AMN: variants seen among roughly 807,000 people sequenced by gnomAD.
AMN encodes amnion associated transmembrane protein.
AMN carries 40 observed loss-of-function variants against 49.1 expected under a neutral mutation model. The observed-to-expected ratio is 0.81, with a 90% CI of 0.63 to 1.06. AMN has a LOEUF of 1.06. AMN is among the 50% of genes least tolerant of loss of function. The pLI, the probability that AMN is intolerant of heterozygous loss-of-function variation, is 0.00. For missense variants in AMN, 701 were observed against 662.8 expected (o/e 1.06, Z -0.63); for synonymous variants, 380 against 313.3 (o/e 1.21, Z -2.25).
intron 3 of AMN, among the ~76,000 whole-genome samples, chr14:102,927,310 A>G (rs1891209803): frequency 1.3e-5 from 2 of 152,150 alleles, no homozygotes; most frequent in Admixed American, 1.3e-4. Context: ...GCTGATCTCA[A>G]ACTCCTGGCC....
intron 6 of AMN, 22 bp downstream of exon 6, chr14:102,929,280 T>G: frequency 7.0e-7 from 1 of 1,436,154 alleles, no homozygotes; most frequent in Non-Finnish European, 9.0e-7. Context: ...CGCAGTGGAG[T>G]CGCGGGGGCC....
At chr14:102,928,555 T>G (rs759014066) in intron 4 of AMN, 42 bp downstream of exon 4, 1 of 1,571,724 alleles carries the variant, frequency 6.4e-7, no homozygotes, top group Admixed American at 1.8e-5. Flanking sequence ...AAAGGCATGT[T>G]CAGGGGCGGG....
At chr14:102,924,336 G>T (rs1410010386) in intron 3 of AMN, among the ~76,000 whole-genome samples, 1 of 108,864 alleles carries the variant, frequency 9.2e-6, no homozygotes, top group Non-Finnish European at 1.8e-5. Context: ...ACTAGGGAAA[G>T]TGTCCCCAAC....
At chr14:102,927,051 C>G (rs994550496) in intron 3 of AMN, among the ~76,000 whole-genome samples, 3 of 152,140 alleles carry the variant, frequency 2.0e-5, no homozygotes, top group Non-Finnish European at 4.4e-5. Context: ...TGCCACCACG[C>G]CCGGCTAATT....
At chr14:102,928,309 C>T (rs1242263754) in intron 3 of AMN, 117 bp from the exon 4 acceptor site, 6 of 934,688 alleles carry the variant, frequency 6.4e-6, no homozygotes, top group East Asian at 2.7e-5. Flanking sequence ...CTGAGCTCGC[C>T]CGGGCTCCTT....
Position 102,922,704 on chromosome 14 carries a change from C to CG in AMN, c.19dup (p.Val7GlyfsTer43). 1 of 1,597,766 alleles carries CG rather than the reference C, an allele frequency of 6.3e-7. No individual in the cohort carries two copies. Among genetic ancestry groups the CG allele is most frequent in the Non-Finnish European group, 8.5e-7 (1 of 1,175,114 alleles). On this transcript the variant is annotated frameshift_variant, in exon 1 of 12. Transcript: ENST00000299155. LOFTEE classifies it high-confidence loss of function. ...CCGAGGCGAGATGGGCGTCCTGGGCCGGGTCCTGCTGTGGCTGCAGCTCTG... is the reference window on the plus strand; with the variant it reads ...CCGAGGCGAGATGGGCGTCCTGGGCCGGGGTCCTGCTGTGGCTGCAGCTCTG...
intron 3 of AMN, among the ~76,000 whole-genome samples, chr14:102,924,978 G>T (rs989520760): frequency 6.6e-6 from 1 of 152,212 alleles, no homozygotes; most frequent in Non-Finnish European, 1.5e-5. Context: ...AGTAAATACA[G>T]CTTCACTGGC....
chr14:102,925,215 T>C (rs931629059), intron 3 of AMN, among the ~76,000 whole-genome samples: 2 of 152,100 alleles, frequency 1.3e-5, no homozygotes, highest in African/African-American at 4.8e-5. Context: ...TGGGTCGGGG[T>C]GTCGGCTCCA....
chr14:102,929,810 C>T (rs1306075314), intron 8 of AMN, 73 bp downstream of exon 8: 1 of 1,543,054 alleles, frequency 6.5e-7, no homozygotes, highest in Non-Finnish European at 8.8e-7. Context: ...GACGCCCCTT[C>T]TGCAGGGTCC....
chr14:102,929,777 C>T lies in AMN; in HGVS notation c.843+40C>T, dbSNP rs1005458364. The T allele has an allele frequency of 7.8e-6, 12 of 1,546,700 alleles. No homozygotes were observed. The African/African-American group carries it at 1.6e-4, about 21-fold the overall frequency. On this transcript the variant is annotated intron_variant, in intron 8 of 11. Transcript: ENST00000299155. ...CGGGCAGCTGAGGGGAGTCCCGACC[C>T]CAGCCCTACCGCCTCCGCCTAGGAC... is the stretch of plus-strand genomic sequence containing the variant.
chr14:102,922,778 C>T (rs1411657416), intron 1 of AMN, 47 bp downstream of exon 1: 3 of 1,553,412 alleles, frequency 1.9e-6, no homozygotes, highest in Admixed American at 3.9e-5. Flanking sequence ...AGCGGTCTGT[C>T]AGGACCCAGG....
At chr14:102,922,782 A>G (rs1025818394) in intron 1 of AMN, 51 bp downstream of exon 1, 1 of 1,549,980 alleles carries the variant, frequency 6.5e-7, no homozygotes, top group Non-Finnish European at 8.7e-7. Flanking sequence ...GTCTGTCAGG[A>G]CCCAGGGCCG....
rs1462795759 is a variant in AMN, at chr14:102,928,842, T to C, written c.380T>C (p.Leu127Pro). The C allele has an allele frequency of 1.9e-6, 3 of 1,605,880 alleles. No individual in the cohort carries two copies. The highest frequency in any genetic ancestry group is 2.2e-5 in the South Asian group (2 of 91,084). The stretch of plus-strand genomic sequence containing the variant: ...CGCTCTGGGGACGAGGCACCTGGCC[T>C]CTTCTTCGTGGACGCCGAGCGCGTG... Reference protein sequence around the residue: ...LWRSGDEAPGLFFVDAERVPC... With the variant: ...LWRSGDEAPGPFFVDAERVPC... Residue 127 changes from leucine (L) to proline (P), a missense_variant, in exon 5 of 12, where the codon CTC (leucine) becomes CCC (proline). By Grantham distance (98) the Leu-to-Pro change is moderately conservative (BLOSUM62 -3). Coordinates refer to ENST00000299155, the MANE Select transcript of AMN (RefSeq NM_030943.4).
At chr14:102,926,233 A>G (rs969808369) in intron 3 of AMN, among the ~76,000 whole-genome samples, 1 of 152,212 alleles carries the variant, frequency 6.6e-6, no homozygotes, top group East Asian at 1.9e-4. Flanking sequence ...CTCAGTCACA[A>G]TGGTAATGGA....
In AMN at chr14:102,930,608, G is replaced by A; in HGVS notation, c.1290G>A (p.Lys430=). The A allele has an allele frequency of 6.3e-7, 1 of 1,590,574 alleles. No individual in the cohort carries two copies. Among genetic ancestry groups the A allele is most frequent in the Non-Finnish European group, 8.5e-7 (1 of 1,170,476 alleles). ...PLPRRLSLVP[K]AAADSTSHSY... ...CGCGGCGGCTCAGCCTGGTTCCGAA[G>A]GCGGCCGCAGACAGCACCAGCCACA... Residue 430 remains lysine, a synonymous_variant, in exon 12 of 12, where the codon AAG becomes AAA. Transcript: ENST00000299155.
chr14:102,922,750 G>A lies in AMN; in HGVS notation c.43+19G>A. The A allele has an allele frequency of 6.3e-7, 1 of 1,575,936 alleles. No individual in the cohort carries two copies. The highest frequency in any genetic ancestry group is 8.6e-7 in the Non-Finnish European group (1 of 1,165,164). ...CTCTGCGGTGAGCCGGGACCACACC[G>A]GTGCGGGCCCGGACGGTAGCGGTCT... On this transcript the variant is annotated intron_variant, in intron 1 of 11. Coordinates refer to ENST00000299155, the MANE Select transcript of AMN (RefSeq NM_030943.4).
chr14:102,930,068 G>A lies in AMN; in HGVS notation c.988G>A (p.Ala330Thr). 1 of 1,543,088 alleles carries A rather than the reference G, an allele frequency of 6.5e-7. No homozygotes were observed. Among genetic ancestry groups the A allele is most frequent in the Admixed American group, 2.0e-5 (1 of 50,838 alleles). ...GGGGCGGCTGGCCCGGGCCCTCCTG[G>A]CGGACGTCGCCGAGAACGGTAACCG... ...GAGRLARALL[A>T]DVAENGEALG... Residue 330 changes from alanine (A) to threonine (T), a missense_variant, in exon 9 of 12, where the codon GCG (alanine) becomes ACG (threonine). Ala to Thr is a moderately conservative substitution (Grantham distance 58). Coordinates refer to ENST00000299155, the MANE Select transcript of AMN (RefSeq NM_030943.4).
intron 3 of AMN, among the ~76,000 whole-genome samples, chr14:102,927,161 T>G (rs1282768279): frequency 6.6e-6 from 1 of 152,194 alleles, no homozygotes; most frequent in Non-Finnish European, 1.5e-5. Flanking sequence ...TCCAAAGTGT[T>G]GGGATTACAG....
intron 3 of AMN, among the ~76,000 whole-genome samples, chr14:102,927,364 A>G (rs1891210653): frequency 6.6e-6 from 1 of 151,928 alleles, no homozygotes; most frequent in East Asian, 1.9e-4. Flanking sequence ...TTACGTTTCT[A>G]TTTTTCCCCT....
Sources: gnomAD v4.1 joint callset for allele counts (sites outside exome capture counted in the v4.1 genomes callset) on GRCh38, gnomAD v4.1.1 for gene constraint, MANE v1.5 for transcripts, NCBI Gene and HGNC (gene_info 2026-07-23, HGNC 2026-07-21) for gene names.